CDK14: variants seen among roughly 807,000 people sequenced by gnomAD.
CDK14 encodes the protein cyclin-dependent kinase 14.
CDK14 carries 34 observed loss-of-function variants against 60.7 expected under a neutral mutation model. That is an observed-to-expected ratio of 0.56 (90% CI 0.43 to 0.75). The LOEUF (loss-of-function observed/expected upper bound fraction) is 0.75. Among genes scored for constraint, CDK14 ranks in the 30% least tolerant of loss-of-function variants. The pLI, the probability that CDK14 is intolerant of heterozygous loss-of-function variation, is 0.00. For missense variants in CDK14, 482 were observed against 564.1 expected (o/e 0.85, Z 1.47); for synonymous variants, 197 against 203.7 (o/e 0.97, Z 0.28).
chr7:91,147,741 C>G (rs959233673), intron 14 of CDK14, among the ~76,000 whole-genome samples: 1 of 152,034 alleles, frequency 6.6e-6, no homozygotes, highest in African/African-American at 2.4e-5. Context: ...TTTCCCCCCT[C>G]CCCCCCATTA....
chr7:90,988,648 A>G (rs1795443211), intron 10 of CDK14, among the ~76,000 whole-genome samples: 1 of 152,116 alleles, frequency 6.6e-6, no homozygotes, highest in Admixed American at 6.6e-5. Flanking sequence ...CCCTGGGAAT[A>G]TGTTTCTCTC....
intron 10 of CDK14, among the ~76,000 whole-genome samples, chr7:91,019,669 A>G (rs1287745166): frequency 6.6e-6 from 1 of 152,138 alleles, no homozygotes; most frequent in Non-Finnish European, 1.5e-5. Context: ...TATTTTATCA[A>G]AATTATGATA....
intron 6 of CDK14, among the ~76,000 whole-genome samples, chr7:90,879,882 C>A (rs549343303): frequency 6.6e-6 from 1 of 151,930 alleles, no homozygotes; most frequent in East Asian, 1.9e-4. Flanking sequence ...GGGGAGCCCC[C>A]ACTCCCCAGA....
intron 14 of CDK14, among the ~76,000 whole-genome samples, chr7:91,190,161 T>C (rs1194146376): frequency 6.6e-6 from 1 of 152,206 alleles, no homozygotes; most frequent in African/African-American, 2.4e-5. Context: ...TGTCCAAATG[T>C]AGACATGGAG....
At chr7:90,879,235 A>G (rs1376818499) in intron 6 of CDK14, among the ~76,000 whole-genome samples, 1 of 152,178 alleles carries the variant, frequency 6.6e-6, no homozygotes, top group Non-Finnish European at 1.5e-5. Flanking sequence ...CATGTTATAT[A>G]TATGTGTGTA....
At chr7:91,184,326 G>T (rs528859279) in intron 14 of CDK14, among the ~76,000 whole-genome samples, 1 of 151,464 alleles carries the variant, frequency 6.6e-6, no homozygotes, top group East Asian at 1.9e-4. Flanking sequence ...CAGTCTTAAG[G>T]TAGAAATATG....
At chr7:91,161,327 GAGT>G (rs1443611705) in intron 14 of CDK14, among the ~76,000 whole-genome samples, 1 of 152,178 alleles carries the variant, frequency 6.6e-6, no homozygotes, top group East Asian at 1.9e-4. Context: ...GGGTTTCTTA[GAGT>G]GGGATGTAAA....
At chr7:90,763,764 T>C (rs956624228) in intron 4 of CDK14, among the ~76,000 whole-genome samples, 1 of 152,102 alleles carries the variant, frequency 6.6e-6, no homozygotes, top group Non-Finnish European at 1.5e-5. Context: ...TGTATACATA[T>C]GTAACAAACC....
intron 6 of CDK14, among the ~76,000 whole-genome samples, chr7:90,880,478 G>T (rs1246874922): frequency 6.6e-6 from 1 of 152,158 alleles, no homozygotes; most frequent in Admixed American, 6.5e-5. Flanking sequence ...CGCAGTCTCT[G>T]CGGACCAGCA....
intron 9 of CDK14, among the ~76,000 whole-genome samples, chr7:90,968,194 A>G (rs1198387691): frequency 2.0e-5 from 3 of 152,162 alleles, no homozygotes; most frequent in African/African-American, 7.2e-5. Context: ...GTAAACTTAG[A>G]TGTTTGTGGG....
At chr7:90,736,106 G>T (rs1264829026) in intron 3 of CDK14, among the ~76,000 whole-genome samples, 2 of 150,524 alleles carry the variant, frequency 1.3e-5, no homozygotes, top group African/African-American at 2.4e-5. Context: ...TGCGCTTCCT[G>T]GGCAAGGCGA....
chr7:90,663,950 A>G (rs753816977), intron 2 of CDK14, among the ~76,000 whole-genome samples: 2 of 152,070 alleles, frequency 1.3e-5, no homozygotes, highest in Admixed American at 6.5e-5. Context: ...TGTTTTTGCA[A>G]TTAAACTAAA....
chr7:90,708,137 T>C (rs1346118432), intron 2 of CDK14, among the ~76,000 whole-genome samples: 3 of 152,216 alleles, frequency 2.0e-5, no homozygotes, highest in Non-Finnish European at 4.4e-5. Flanking sequence ...AAATGTTAAT[T>C]TAATATTTGC....
intron 10 of CDK14, among the ~76,000 whole-genome samples, chr7:91,000,830 A>T (rs1370143310): frequency 2.0e-5 from 3 of 152,224 alleles, no homozygotes; most frequent in African/African-American, 7.2e-5. Flanking sequence ...TGGGAAGTTC[A>T]GGAGGTCAAC....
chr7:91,093,287 G>T (rs1798884825), intron 12 of CDK14, among the ~76,000 whole-genome samples: 1 of 152,188 alleles, frequency 6.6e-6, no homozygotes. Context: ...ATCTGGACCT[G>T]AGGCCAGCAT....
intron 4 of CDK14, among the ~76,000 whole-genome samples, chr7:90,753,417 G>T (rs527745831): frequency 6.6e-6 from 1 of 152,146 alleles, no homozygotes; most frequent in African/African-American, 2.4e-5. Flanking sequence ...TTGCAAAAAG[G>T]CTTTGATAAA....
At chr7:90,817,509 C>G (rs550720350) in intron 5 of CDK14, among the ~76,000 whole-genome samples, 2 of 152,226 alleles carry the variant, frequency 1.3e-5, no homozygotes, top group Non-Finnish European at 2.9e-5. Context: ...TTTAATGATG[C>G]TAACTTGGTG....
At chr7:91,137,058 G>A (rs768410019) in intron 14 of CDK14, among the ~76,000 whole-genome samples, 9 of 152,118 alleles carry the variant, frequency 5.9e-5, no homozygotes, top group Non-Finnish European at 8.8e-5. Flanking sequence ...CACAGGTGAA[G>A]TTGGAAGCTA....
At chr7:90,869,268 A>G (rs1584066457) in intron 6 of CDK14, among the ~76,000 whole-genome samples, 1 of 152,222 alleles carries the variant, frequency 6.6e-6, no homozygotes, top group East Asian at 1.9e-4. Flanking sequence ...GAGGGTGATC[A>G]GGGAGGGCTT....
Sources: allele counts gnomAD v4.1 joint callset (sites outside exome capture counted in the v4.1 genomes callset), GRCh38; gene constraint gnomAD v4.1.1; transcripts MANE v1.5; gene names NCBI Gene and HGNC (gene_info 2026-07-23, HGNC 2026-07-21).